Variants in ATP8B3 observed in about 807,000 individuals in gnomAD.
ATP8B3 encodes the protein ATPase phospholipid transporting 8B3, also known as phospholipid-transporting ATPase IK.
In ATP8B3, 141 loss-of-function variants were observed where a neutral mutation model predicts 140.9. The observed-to-expected ratio is 1.00, with a 90% CI of 0.87 to 1.15. The LOEUF (loss-of-function observed/expected upper bound fraction) is 1.15, where lower values mean the gene tolerates loss of function less well. ATP8B3 is among the 50% of genes most tolerant of loss of function. ATP8B3 has a pLI of 0.00. For missense variants in ATP8B3, 1,874 were observed against 1,740.6 expected (o/e 1.08, Z -1.36); for synonymous variants, 765 against 714.6 (o/e 1.07, Z -1.13).
rs867287725 is a variant in ATP8B3 at position 1,806,730 on chromosome 19, C to G, written c.616-41G>C. On this transcript the variant is annotated intron_variant, in intron 6 of 28. Transcript: ENST00000310127. The surrounding 1 kb of genome is among the most constrained non-coding windows in gnomAD (Gnocchi z 5.6). ...AAGGATCAGAGAGACCGTCCAGCCT[C>G]TCCTGCCCCCGCCCAGGCCGCTGCC... 1.1e-5 allele frequency: 17 copies of G among 1,546,780 alleles called. No individual in the cohort carries two copies. The Middle Eastern group carries it at 6.7e-4, about 61-fold the overall frequency.
intron 20 of ATP8B3, among the ~76,000 whole-genome samples, chr19:1,791,461 C>T (rs2068508372): frequency 6.6e-6 from 1 of 151,556 alleles, no homozygotes; most frequent in Non-Finnish European, 1.5e-5. Flanking sequence ...GATCTTGGCT[C>T]ACTGCAACCT....
At position 1,811,540 on chromosome 19, in the gene ATP8B3, C is replaced by T; in HGVS notation, c.197G>A (p.Arg66Lys). The T allele has an allele frequency of 1.9e-6, 3 of 1,612,406 alleles. No individual in the cohort carries two copies. The highest frequency in any genetic ancestry group is 2.5e-6 in the Non-Finnish European group (3 of 1,179,780). The change falls in exon 2 of 29, where the codon AGG becomes AAG. Residue 66 changes from arginine to lysine, a missense_variant. Around this residue, in one of 3 missense-constraint regions of ATP8B3, gnomAD observed 1,032 missense variants for 963.6 expected, o/e 1.07. Coordinates refer to ENST00000310127, the MANE Select transcript of ATP8B3 (RefSeq NM_138813.4). ...AGCCCGGCCAGGCTGGGCCTTGTGC[C>T]TCCTCTCAGGTGCCCCTCTGCCTGG... The part of the protein sequence containing the change: ...DSPGRGAPER[R>K]HKAQPGRARK...
At position 1,794,281 on chromosome 19, in the gene ATP8B3, C is replaced by A. The variant is rs2068603921; in HGVS notation, c.2055+1594G>T. Among the ~76,000 whole-genome samples, 1 of 152,196 alleles carries A rather than the reference C, an allele frequency of 6.6e-6. No homozygotes were observed. The highest frequency in any genetic ancestry group is 2.4e-5 in the African/African-American group (1 of 41,458). On this transcript the variant is annotated intron_variant, in intron 18 of 28. Transcript: ENST00000310127. The surrounding 1 kb of genome is among the most constrained non-coding windows in gnomAD (Gnocchi z 4.8). ...ACGGACATTGGCAGCCTCCGACAGG[C>A]CTTGACCCTTCTTCCGGCCTCAATT...
chr19:1,796,997 A>T lies in ATP8B3; in HGVS notation c.1561T>A (p.Ser521Thr), dbSNP rs756665808. ...CISGRVYGPD[S>T]EATTRPKENP... ...ACCTTAGGTCGGGTCGTGGCCTCTG[A>T]ATCCGGCCCTGGGGAAAGACACAGC... is the stretch of plus-strand genomic sequence containing the variant. The change falls in exon 15 of 29, where the codon TCA becomes ACA. Residue 521 changes from serine (S) to threonine (T), a missense_variant. By Grantham distance (58) the Ser-to-Thr change is moderately conservative. Transcript: ENST00000310127. 5 of 1,612,948 alleles carry T rather than the reference A, an allele frequency of 3.1e-6. No individual in the cohort carries two copies. Among genetic ancestry groups the T allele is most frequent in the Non-Finnish European group, 4.2e-6 (5 of 1,179,790 alleles).
intron 1 of ATP8B3, 122 bp from the exon 2 acceptor site, chr19:1,812,006 C>A: frequency 2.0e-6 from 1 of 488,346 alleles, no homozygotes. Flanking sequence ...CAGGACCGCC[C>A]TGGACAGGGC....
chr19:1,786,491 G>A (rs1049925544), intron 25 of ATP8B3, among the ~76,000 whole-genome samples: 1 of 151,706 alleles, frequency 6.6e-6, no homozygotes. Context: ...GCTTGAACCC[G>A]GGAGGCAGAG....
chr19:1,809,757 C>T (rs760311516), intron 3 of ATP8B3, 23 bp from the exon 4 acceptor site: 14 of 1,582,126 alleles, frequency 8.8e-6, no homozygotes, highest in South Asian at 2.3e-5. Context: ...AGCCGGGCGT[C>T]GCTGGAGCTC....
In ATP8B3 at chr19:1,808,307, T is replaced by C. The variant is rs1315909581; in HGVS notation, c.431A>G (p.Asn144Ser). The change falls in exon 5 of 29, where the codon AAC becomes AGC. Residue 144 changes from asparagine (N) to serine (S), a missense_variant. Physicochemically the swap from Asn to Ser is conservative, Grantham distance 46. Coordinates refer to ENST00000310127, the MANE Select transcript of ATP8B3 (RefSeq NM_138813.4). ...KTNVIRTAKYNFYSFLPLNLY... is the reference protein window; with the variant it reads ...KTNVIRTAKYSFYSFLPLNLY... ...GTTCAGCGGCAGGAACGAGTAGAAGTTGTACTTGGCCGTGCGGATGACATT... is the reference window on the plus strand; with the variant it reads ...GTTCAGCGGCAGGAACGAGTAGAAGCTGTACTTGGCCGTGCGGATGACATT... The C allele has an allele frequency of 4.3e-6, 7 of 1,612,630 alleles. No individual in the cohort carries two copies. The highest frequency in any genetic ancestry group is 2.2e-5 in the East Asian group (1 of 44,844).
chr19:1,804,338 G>A (rs577062518), intron 10 of ATP8B3, among the ~76,000 whole-genome samples: 2 of 152,192 alleles, frequency 1.3e-5, no homozygotes, highest in East Asian at 1.9e-4. Context: ...GGCCGGGTGC[G>A]GTGGCTCATG....
chr19:1,800,868 T>A lies in ATP8B3; in HGVS notation c.1153-419A>T, dbSNP rs1471703635. Among the ~76,000 whole-genome samples the A allele has an allele frequency of 3.4e-5, 5 of 149,074 alleles. No individual in the cohort carries two copies. The highest frequency in any genetic ancestry group is 2.0e-4 in the East Asian group (1 of 5,000). ...TTTTGAGACAGAGTCTCGCTCTCTC[T>A]CCCAGGCTGGAGTGCAGTGGCGCGA... On this transcript the variant is annotated intron_variant, in intron 12 of 28. Coordinates refer to ENST00000310127, the MANE Select transcript of ATP8B3 (RefSeq NM_138813.4). This position sits in a 1 kb window ranked among gnomAD's most constrained non-coding sequence, Gnocchi z 4.4.
intron 20 of ATP8B3, 32 bp from the exon 21 acceptor site, chr19:1,790,864 AC>A: frequency 6.4e-7 from 1 of 1,552,262 alleles, no homozygotes; most frequent in Non-Finnish European, 8.7e-7. Context: ...CGCCTCTGCG[AC>A]CCGCCCCGCA....
chr19:1,783,378 A>G, intron 28 of ATP8B3, 108 bp from the exon 29 acceptor site: 1 of 1,380,764 alleles, frequency 7.2e-7, no homozygotes, highest in Non-Finnish European at 9.7e-7. Context: ...GCCACTATTG[A>G]TTGGCTACGT....
At position 1,801,071 on chromosome 19, in the gene ATP8B3, A is replaced by G. The variant is rs567191269; in HGVS notation, c.1153-622T>C. ...TCTTGATCTCCTGACCTCGTGATCCACCTGCCTCAGCCTCCCAAGGTGCTG... is the reference window on the plus strand; with the variant it reads ...TCTTGATCTCCTGACCTCGTGATCCGCCTGCCTCAGCCTCCCAAGGTGCTG... On this transcript the variant is annotated intron_variant, in intron 12 of 28. Coordinates refer to ENST00000310127, the MANE Select transcript of ATP8B3 (RefSeq NM_138813.4). Among the ~76,000 whole-genome samples the G allele has an allele frequency of 7.8e-3, 1,186 of 151,578 alleles. 18 individuals carry two copies. Among genetic ancestry groups the G allele is most frequent in the African/African-American group, 0.027 (1,115 of 41,306 alleles).
chr19:1,792,927 AAAG>A (rs146269315), intron 18 of ATP8B3, among the ~76,000 whole-genome samples: 53,149 of 124,424 alleles, frequency 0.43, 10,467 homozygotes, highest in Non-Finnish European at 0.47. Context: ...AAAAAAAAAA[AAAG>A]AAAAGAAAAC....
intron 14 of ATP8B3, among the ~76,000 whole-genome samples, chr19:1,798,269 G>A (rs1181090960): frequency 6.6e-6 from 1 of 151,828 alleles, no homozygotes; most frequent in Non-Finnish European, 1.5e-5. Context: ...CATTTCTTGG[G>A]GACTTCTCAC....
intron 18 of ATP8B3, among the ~76,000 whole-genome samples, chr19:1,795,237 A>G (rs2068629326): frequency 6.6e-6 from 1 of 151,730 alleles, no homozygotes; most frequent in Non-Finnish European, 1.5e-5. Context: ...CCTGGGCAAC[A>G]GTGCAAGACT....
Position 1,800,758 on chromosome 19 carries a change from C to A in ATP8B3, c.1153-309G>T, listed in dbSNP as rs1350405495. ...AGGATCGCTTGAGCCCAGGAGGCTG[C>A]AGTGAGATATCATGGCGCCACTGCA... On this transcript the variant is annotated intron_variant, in intron 12 of 28. Coordinates refer to ENST00000310127, the MANE Select transcript of ATP8B3 (RefSeq NM_138813.4). This position sits in a 1 kb window ranked among gnomAD's most constrained non-coding sequence, Gnocchi z 4.4. Among the ~76,000 whole-genome samples, 1 of 151,776 alleles carries A rather than the reference C, an allele frequency of 6.6e-6. No individual in the cohort carries two copies. Among genetic ancestry groups the A allele is most frequent in the East Asian group, 1.9e-4 (1 of 5,176 alleles).
At chr19:1,786,649 G>A (rs2068313923) in intron 25 of ATP8B3, among the ~76,000 whole-genome samples, 1 of 152,064 alleles carries the variant, frequency 6.6e-6, no homozygotes, top group Non-Finnish European at 1.5e-5. Flanking sequence ...CAACACAAGC[G>A]TTCCTCATGG....
At chr19:1,792,998 C>T (rs8100003) in intron 18 of ATP8B3, among the ~76,000 whole-genome samples, 112,232 of 151,044 alleles carry the variant, frequency 0.74, 41,975 homozygotes, top group African/African-American at 0.82. Context: ...ACCCCCAGAC[C>T]CTCAGCTCTC....
Sources: allele counts gnomAD v4.1 joint callset (sites outside exome capture counted in the v4.1 genomes callset), GRCh38; gene constraint gnomAD v4.1.1; regional missense constraint gnomAD v4.1.1; non-coding constraint Gnocchi (gnomAD v3.1); transcripts MANE v1.5; gene names NCBI Gene and HGNC (gene_info 2026-07-23, HGNC 2026-07-21).